Variants in BRAP observed in about 807,000 individuals in gnomAD.
The protein encoded by BRAP is BRCA1 associated protein, also known as BRCA1-associated protein.
A neutral mutation model predicts 73.4 loss-of-function variants in BRAP; 42 were observed. That is an observed-to-expected ratio of 0.57 (90% CI 0.45 to 0.74). BRAP has a LOEUF of 0.74. Among genes scored for constraint, BRAP ranks in the 30% least tolerant of loss-of-function variants. The pLI is 0.00. For synonymous variants in BRAP, 255 were observed against 267.4 expected, an observed-to-expected ratio of 0.95 and a Z score of 0.45; for missense variants, 593 against 751.4, an observed-to-expected ratio of 0.79 and a Z score of 2.46.
intron 1 of BRAP, among the ~76,000 whole-genome samples, chr12:111,685,028 T>C (rs1176683903): frequency 6.6e-6 from 1 of 152,196 alleles, no homozygotes; most frequent in Non-Finnish European, 1.5e-5. Flanking sequence ...GAGCCAGAGC[T>C]GCATTCCCCA....
At chr12:111,682,510 A>G (rs1435494822) in intron 2 of BRAP, among the ~76,000 whole-genome samples, 1 of 151,540 alleles carries the variant, frequency 6.6e-6, no homozygotes, top group African/African-American at 2.4e-5. Context: ...AAAAAAAAAA[A>G]AAAAAAAAGA....
Position 111,643,990 on chromosome 12 carries a change from C to G in BRAP, c.*209G>C, listed in dbSNP as rs1293801940. On this transcript the variant is annotated 3_prime_UTR_variant, in exon 12 of 12. Coordinates refer to ENST00000419234, the MANE Select transcript of BRAP (RefSeq NM_006768.5). Reference sequence around the variant, plus strand: ...TGTGAGGTTAGTGAACTCTTAAGACCTTTTCGAACGCAGCGCCTTTCTATC... The same window carrying G: ...TGTGAGGTTAGTGAACTCTTAAGACGTTTTCGAACGCAGCGCCTTTCTATC... The G allele has an allele frequency of 2.6e-6, 2 of 778,210 alleles. No homozygotes were observed. The highest frequency in any genetic ancestry group is 3.9e-6 in the Non-Finnish European group (2 of 511,264). The allele number at this position is 778,210 out of a possible 1,614,324, so 48.2% of individuals were successfully genotyped here.
chr12:111,649,764 T>A (rs1282026939), intron 11 of BRAP, among the ~76,000 whole-genome samples, 175 bp downstream of exon 11: 1 of 152,224 alleles, frequency 6.6e-6, no homozygotes, highest in Admixed American at 6.5e-5. Flanking sequence ...CCACATGGCA[T>A]CCATCTGGTA....
chr12:111,667,698 CAAA>C (rs565349424), intron 5 of BRAP, among the ~76,000 whole-genome samples: 35 of 21,284 alleles, frequency 1.6e-3, no homozygotes, highest in East Asian at 0.016. Flanking sequence ...AACTCCGTCT[CAAA>C]AAAAAAAAAA....
At chr12:111,653,700 G>C (rs374511669) in intron 10 of BRAP, among the ~76,000 whole-genome samples, 2 of 152,260 alleles carry the variant, frequency 1.3e-5, no homozygotes, top group Non-Finnish European at 2.9e-5. Flanking sequence ...GTGAAACCCA[G>C]GGTCCGGGTT....
chr12:111,654,513 G>T, intron 10 of BRAP, among the ~76,000 whole-genome samples: 1 of 147,524 alleles, frequency 6.8e-6, no homozygotes, highest in Non-Finnish European at 1.5e-5. Context: ...ATTGGGTTTC[G>T]CCATGTTGGC....
chr12:111,653,649 C>G (rs1886407053), intron 10 of BRAP, among the ~76,000 whole-genome samples: 1 of 152,172 alleles, frequency 6.6e-6, no homozygotes, highest in African/African-American at 2.4e-5. Context: ...CACACCCCTC[C>G]TCCACATCAA....
At chr12:111,659,691 C>T (rs1457604583) in intron 7 of BRAP, among the ~76,000 whole-genome samples, 4 of 151,358 alleles carry the variant, frequency 2.6e-5, no homozygotes, top group Non-Finnish European at 5.9e-5. Flanking sequence ...ATCCAGCTCA[C>T]TCAGAGTGGG....
intron 5 of BRAP, among the ~76,000 whole-genome samples, chr12:111,672,384 CTATTT>C (rs1887212120): frequency 6.6e-6 from 1 of 151,982 alleles, no homozygotes; most frequent in Non-Finnish European, 1.5e-5. Context: ...ATAAAATTCT[CTATTT>C]TAAAGTATAC....
At chr12:111,674,761 A>G (rs1007322223) in intron 4 of BRAP, among the ~76,000 whole-genome samples, 1 of 152,228 alleles carries the variant, frequency 6.6e-6, no homozygotes, top group Non-Finnish European at 1.5e-5. Context: ...AAGAGGTTAC[A>G]ACCTAATATG....
At chr12:111,658,931 G>T (rs1005182062) in intron 8 of BRAP, 86 bp from the exon 9 acceptor site, 4 of 1,055,206 alleles carry the variant, frequency 3.8e-6, no homozygotes, top group Admixed American at 2.7e-5. Flanking sequence ...TTTTTTTTCA[G>T]ATCTAATTTA....
At chr12:111,649,838 C>A in intron 11 of BRAP, 101 bp downstream of exon 11, 1 of 811,514 alleles carries the variant, frequency 1.2e-6, no homozygotes. Context: ...TCCTGAAAAC[C>A]TGGTGATACA....
intron 9 of BRAP, among the ~76,000 whole-genome samples, chr12:111,658,116 G>C (rs1886601090): frequency 6.6e-6 from 1 of 151,262 alleles, no homozygotes; most frequent in Non-Finnish European, 1.5e-5. Context: ...TTTTAGTAGG[G>C]ACAGGGTTTC....
intron 11 of BRAP, among the ~76,000 whole-genome samples, chr12:111,645,406 A>G (rs1886074997): frequency 1.3e-5 from 2 of 152,158 alleles, no homozygotes. Flanking sequence ...TAAGCATCAG[A>G]AAGTTTTCAG....
intron 11 of BRAP, among the ~76,000 whole-genome samples, chr12:111,647,023 GC>G (rs1886133321): frequency 6.6e-6 from 1 of 152,104 alleles, no homozygotes; most frequent in African/African-American, 2.4e-5. Flanking sequence ...ATTTTTGGAG[GC>G]CAAGACAGGA....
rs1886631686 is a variant in BRAP at position 111,658,810 on chromosome 12, C to A, written c.1147G>T (p.Asp383Tyr). ...YVHRLVASKT[D>Y]GKIVQYECEG... ...CATTCATACTGTACTATTTTTCCAT[C>A]TGTTTTACTTGCAACCAGTCGATGA... Residue 383 changes from aspartate to tyrosine, a missense_variant, in exon 9 of 12, where the codon GAT (aspartate) becomes TAT (tyrosine). Asp to Tyr is a radical substitution (Grantham distance 160). Transcript: ENST00000419234. The A allele has an allele frequency of 6.2e-7, 1 of 1,612,788 alleles. No individual in the cohort carries two copies. Among genetic ancestry groups the A allele is most frequent in the African/African-American group, 1.3e-5 (1 of 75,004 alleles).
intron 3 of BRAP, among the ~76,000 whole-genome samples, chr12:111,679,876 CAAAAAAA>C (rs398044813): frequency 1.4e-5 from 1 of 72,112 alleles, no homozygotes; most frequent in East Asian, 3.9e-4. Flanking sequence ...GACTCCATCT[CAAAAAAA>C]AAAAAAAAAA....
intron 9 of BRAP, among the ~76,000 whole-genome samples, chr12:111,657,442 TTTA>T (rs1428868079): frequency 1.3e-5 from 2 of 152,374 alleles, no homozygotes; most frequent in East Asian, 3.8e-4. Context: ...AATACAATGA[TTTA>T]TTAATAACGA....
chr12:111,659,374 T>C, intron 7 of BRAP, 29 bp from the exon 8 acceptor site: 2 of 1,595,806 alleles, frequency 1.3e-6, no homozygotes, highest in Non-Finnish European at 1.7e-6. Context: ...TCTTAATTAG[T>C]TAAATAAAAA....
Sources: allele counts gnomAD v4.1 joint callset (sites outside exome capture counted in the v4.1 genomes callset), GRCh38; gene constraint gnomAD v4.1.1; transcripts MANE v1.5; gene names NCBI Gene and HGNC (gene_info 2026-07-23, HGNC 2026-07-21).